The following MACROD2 variants were observed in gnomAD, a reference collection of about 807,000 sequenced individuals.
The protein encoded by MACROD2 is mono-ADP ribosylhydrolase 2.
MACROD2 carries 36 observed loss-of-function variants against 70.4 expected under a neutral mutation model. The ratio of observed to expected loss-of-function variants is 0.51; its 90% confidence interval spans 0.39 to 0.68. MACROD2 has a LOEUF of 0.68. MACROD2 is among the 30% of genes least tolerant of loss of function. The probability of loss-of-function intolerance (pLI) is 0.00; values close to 1 mark genes in which losing one functional copy is unlikely to be tolerated. For missense variants in MACROD2, 496 were observed against 538.4 expected, an observed-to-expected ratio of 0.92 and a Z score of 0.78; for synonymous variants, 172 against 178.8, an observed-to-expected ratio of 0.96 and a Z score of 0.30.
rs189945592 is a variant in MACROD2, at chr20:15,126,171, A to T, written c.419-103769A>T. The stretch of plus-strand genomic sequence containing the variant: ...GTTCTGTTATAAACATTTGTGTACA[A>T]GTTTTTGTATGAACATATGTTTTCA... On this transcript the variant is annotated intron_variant, in intron 5 of 17. Coordinates refer to ENST00000684519, the MANE Select transcript of MACROD2 (RefSeq NM_001351661.2). 3.3e-4 allele frequency among the ~76,000 whole-genome samples: 46 copies of T among 139,996 alleles called. 1 individual carries two copies. The highest frequency in any genetic ancestry group is 2.8e-3 in the Admixed American group (38 of 13,626). 91.8% of individuals were successfully genotyped at this position (139,996 alleles called of 152,430 possible).
chr20:15,891,388 T>C (rs2064887869), intron 10 of MACROD2, among the ~76,000 whole-genome samples: 2 of 152,118 alleles, frequency 1.3e-5, no homozygotes, highest in Admixed American at 6.6e-5. Flanking sequence ...AGGCCTGGAA[T>C]TGGATTTGGA....
intron 8 of MACROD2, among the ~76,000 whole-genome samples, chr20:15,715,337 G>A (rs13433382): frequency 0.019 from 2,841 of 152,190 alleles, 85 homozygotes; most frequent in African/African-American, 0.065. Flanking sequence ...CTACCAAAGA[G>A]AATAGTATTT....
intron 3 of MACROD2, among the ~76,000 whole-genome samples, chr20:14,479,299 C>A (rs2084634850): frequency 6.6e-6 from 1 of 152,116 alleles, no homozygotes. Context: ...TTGTTGAGGC[C>A]TGATGCCCCG....
chr20:15,219,033 G>A (rs558548669), intron 5 of MACROD2, among the ~76,000 whole-genome samples: 4 of 151,854 alleles, frequency 2.6e-5, no homozygotes, highest in Non-Finnish European at 5.9e-5. Context: ...GCGACAGAGC[G>A]AGACTCCGTC....
At chr20:15,455,566 A>G (rs2046713816) in intron 7 of MACROD2, among the ~76,000 whole-genome samples, 1 of 152,146 alleles carries the variant, frequency 6.6e-6, no homozygotes, top group Admixed American at 6.5e-5. Context: ...ATCCTTATCC[A>G]AAATTCTGAT....
intron 3 of MACROD2, among the ~76,000 whole-genome samples, chr20:14,255,694 TAAATAAATAAATAAATAA>T (rs2082050400): frequency 1.3e-5 from 1 of 76,162 alleles, no homozygotes; most frequent in Non-Finnish European, 3.9e-5. Flanking sequence ...AATAAATAAA[TAAATAAATAAATAAATAA>T]ATAAATAAAT....
chr20:15,631,740 C>T (rs922867132), intron 8 of MACROD2, among the ~76,000 whole-genome samples: 1 of 152,166 alleles, frequency 6.6e-6, no homozygotes, highest in African/African-American at 2.4e-5. Context: ...GATTTTGTTG[C>T]ACCTTGGAAC....
chr20:14,780,526 C>T (rs958302700), intron 5 of MACROD2, among the ~76,000 whole-genome samples: 1 of 146,894 alleles, frequency 6.8e-6, no homozygotes, highest in East Asian at 2.0e-4. Flanking sequence ...CACTCCATTG[C>T]ACTCCAGCCT....
intron 3 of MACROD2, among the ~76,000 whole-genome samples, chr20:14,157,031 C>A (rs2055113029): frequency 6.6e-6 from 1 of 152,114 alleles, no homozygotes; most frequent in African/African-American, 2.4e-5. Context: ...ATTTATGCTG[C>A]TTTATGTTCC....
intron 12 of MACROD2, among the ~76,000 whole-genome samples, chr20:15,954,302 C>A (rs900644592): frequency 9.2e-5 from 14 of 152,122 alleles, no homozygotes; most frequent in Admixed American, 3.9e-4. Context: ...CTTTCCCTGT[C>A]TCTCCAGTCT....
chr20:15,642,685 AATAATCTTTTCTTTGCTAGAACATTTCT>A (rs2049480071), intron 8 of MACROD2, among the ~76,000 whole-genome samples: 2 of 151,908 alleles, frequency 1.3e-5, no homozygotes, highest in Non-Finnish European at 2.9e-5. Context: ...CATAAATAAA[AATAATCTTTTCTTTGCTAGAACATTTCT>A]CCCTGGAGTA....
In MACROD2 at chr20:15,949,002, G is replaced by A. The variant is rs114545790; in HGVS notation, c.907+11458G>A. 6.7e-3 allele frequency among the ~76,000 whole-genome samples: 1,017 copies of A among 152,276 alleles called. 10 individuals carry two copies. Among genetic ancestry groups the A allele is most frequent in the African/African-American group, 0.02 (828 of 41,558 alleles). Reference sequence around the variant, plus strand: ...CATCCAAATAGGTCCAAATTTATATGAGCATCCTTGTGATAATTTTCAAAT... The same window carrying A: ...CATCCAAATAGGTCCAAATTTATATAAGCATCCTTGTGATAATTTTCAAAT... On this transcript the variant is annotated intron_variant, in intron 12 of 17. Coordinates refer to ENST00000684519, the MANE Select transcript of MACROD2 (RefSeq NM_001351661.2).
chr20:15,278,151 A>G (rs2146082036), intron 6 of MACROD2, among the ~76,000 whole-genome samples: 1 of 152,272 alleles, frequency 6.6e-6, no homozygotes, highest in Non-Finnish European at 1.5e-5. Context: ...GATGCCTAAC[A>G]ATGCATATAT....
chr20:14,565,002 A>T (rs1231687379), intron 4 of MACROD2, among the ~76,000 whole-genome samples: 1 of 152,028 alleles, frequency 6.6e-6, no homozygotes, highest in Non-Finnish European at 1.5e-5. Context: ...CTACTCTGCC[A>T]TAAAAAAGAA....
chr20:15,946,155 C>A (rs1406961654), intron 12 of MACROD2, among the ~76,000 whole-genome samples: 1 of 152,176 alleles, frequency 6.6e-6, no homozygotes, highest in East Asian at 1.9e-4. Flanking sequence ...CTTCCTTAGA[C>A]CCTGCACGTG....
chr20:15,693,792 T>G (rs889190927), intron 8 of MACROD2, among the ~76,000 whole-genome samples: 3 of 152,194 alleles, frequency 2.0e-5, no homozygotes, highest in African/African-American at 7.2e-5. Context: ...TGGTGATTTT[T>G]GAGATTTTGG....
intron 12 of MACROD2, among the ~76,000 whole-genome samples, chr20:15,955,351 T>A (rs2065961744): frequency 6.6e-6 from 1 of 152,168 alleles, no homozygotes; most frequent in Non-Finnish European, 1.5e-5. Context: ...AGCAAAAATT[T>A]TCAACCATTG....
intron 6 of MACROD2, among the ~76,000 whole-genome samples, chr20:15,243,781 C>A (rs979397571): frequency 6.6e-6 from 1 of 151,440 alleles, no homozygotes; most frequent in African/African-American, 2.4e-5. Flanking sequence ...AGAAAATTAG[C>A]GGGGCGTAGT....
intron 6 of MACROD2, among the ~76,000 whole-genome samples, chr20:15,325,675 T>C (rs1568723182): frequency 6.6e-6 from 1 of 152,196 alleles, no homozygotes; most frequent in South Asian, 2.1e-4. Context: ...TCCTAACTTA[T>C]GCAGTGTAAT....
Sources: allele counts gnomAD v4.1 joint callset (sites outside exome capture counted in the v4.1 genomes callset), GRCh38; gene constraint gnomAD v4.1.1; transcripts MANE v1.5; gene names NCBI Gene and HGNC (gene_info 2026-07-23, HGNC 2026-07-21).